CKAP2: variants seen among roughly 807,000 people sequenced by gnomAD.
CKAP2 encodes cytoskeleton-associated protein 2.
A neutral mutation model predicts 58.4 loss-of-function variants in CKAP2; 46 were observed. The ratio of observed to expected loss-of-function variants is 0.79; its 90% CI spans 0.62 to 1.01. The LOEUF is 1.01. Ranked by LOEUF, CKAP2 falls within the 50% of genes least tolerant of loss-of-function variation. The pLI is 0.00. For missense variants in CKAP2, 809 were observed against 796.4 expected (o/e 1.02, Z -0.19); for synonymous variants, 293 against 280.9 (o/e 1.04, Z -0.43).
intron 7 of CKAP2, chr13:52,473,621 T>C (rs1422375200): frequency 2.4e-5 from 11 of 466,648 alleles, no homozygotes; most frequent in Non-Finnish European, 3.7e-5. Context: ...TCCTTTGTTC[T>C]TATTTCATAT....
Position 52,461,080 on chromosome 13 carries a change from GA to G in CKAP2, c.255del (p.Arg85SerfsTer18). 1 of 1,603,484 alleles carries G rather than the reference GA, an allele frequency of 6.2e-7. No homozygotes were observed. The highest frequency in any genetic ancestry group is 1.1e-5 in the South Asian group (1 of 88,722). On this transcript the variant is annotated frameshift_variant, in exon 4 of 9. Transcript: ENST00000258607. LOFTEE classifies it high-confidence loss of function. ...TKMADKENMK[R>X]PAESKNNTVV... ...CAGGCTGATAAAGAAAACATGAAGA[GA>G]CCTGCAGAGAGCAAAAATAATACAG... is the stretch of plus-strand genomic sequence containing the variant.
chr13:52,473,977 A>C lies in CKAP2; in HGVS notation c.1695A>C (p.Gln565His), dbSNP rs1349925449. Reference sequence around the variant, plus strand: ...TATTTCAAGATTGTGAAAAAGAGCAAGACAACAAAACAAAAGATCCAACCC... The same window carrying C: ...TATTTCAAGATTGTGAAAAAGAGCACGACAACAAAACAAAAGATCCAACCC... Reference protein sequence around the residue: ...NLLFQDCEKEQDNKTKDPTHD... With the variant: ...NLLFQDCEKEHDNKTKDPTHD... Residue 565 changes from glutamine (Q) to histidine (H), a missense_variant, in exon 8 of 9, where the codon CAA becomes CAC. Physicochemically the swap from Gln to His is conservative, Grantham distance 24. Around this residue, in one of 3 missense-constraint regions of CKAP2, gnomAD observed 283 missense variants for 287.6 expected, o/e 0.98. Transcript: ENST00000258607. 1.2e-6 allele frequency: 2 copies of C among 1,614,148 alleles called. No individual in the cohort carries two copies. Among genetic ancestry groups the C allele is most frequent in the East Asian group, 2.2e-5 (1 of 44,848 alleles).
Position 52,460,963 on chromosome 13 carries a change from A to G in CKAP2, c.220A>G (p.Lys74Glu). ...VQEGTKVLKL[K>E]TKMADKENMK... ...AGAAGGGACTAAAGTGCTGAAACTT[A>G]AAACAAAAATGGTAAGATGTGGACA... The change falls in exon 3 of 9, where the codon AAA becomes GAA. Residue 74 changes from lysine to glutamate, a missense_variant. Transcript: ENST00000258607. The G allele has an allele frequency of 1.2e-6, 2 of 1,613,642 alleles. No homozygotes were observed. Among genetic ancestry groups the G allele is most frequent in the East Asian group, 2.2e-5 (1 of 44,718 alleles).
At chr13:52,463,408 C>A (rs1032878101) in intron 5 of CKAP2, among the ~76,000 whole-genome samples, 1 of 152,026 alleles carries the variant, frequency 6.6e-6, no homozygotes, top group East Asian at 1.9e-4. Flanking sequence ...TCATTCCTCA[C>A]TCTGAATTTC....
chr13:52,469,584 T>TAAACTGTAGTC (rs1449125146), intron 7 of CKAP2, among the ~76,000 whole-genome samples: 1 of 143,496 alleles, frequency 7.0e-6, no homozygotes, highest in African/African-American at 2.6e-5. Context: ...AATATTTATT[T>TAAACTGTAGTC]ATTTATTTAT....
intron 7 of CKAP2, among the ~76,000 whole-genome samples, chr13:52,473,063 AT>A (rs967938704): frequency 4.6e-5 from 7 of 151,868 alleles, no homozygotes; most frequent in South Asian, 2.1e-4. Context: ...AAAAAAAAAA[AT>A]GTTCTCAGAA....
At chr13:52,465,934 CATATATATACACAT>C (rs1958663724) in intron 6 of CKAP2, 1 of 306,538 alleles carries the variant, frequency 3.3e-6, no homozygotes, top group East Asian at 7.9e-5. Context: ...TATATACACA[CATATATATACACAT>C]ATATATGCAC....
At position 52,461,302 on chromosome 13, in the gene CKAP2, C is replaced by T; in HGVS notation, c.476C>T (p.Thr159Ile). 1 of 1,613,968 alleles carries T rather than the reference C, an allele frequency of 6.2e-7. No individual in the cohort carries two copies. Among genetic ancestry groups the T allele is most frequent in the Non-Finnish European group, 8.5e-7 (1 of 1,179,992 alleles). The change falls in exon 4 of 9, where the codon ACT (threonine) becomes ATT (isoleucine). Residue 159 changes from threonine (T) to isoleucine (I), a missense_variant. Coordinates refer to ENST00000258607, the MANE Select transcript of CKAP2 (RefSeq NM_018204.5). ...AACAATAGTAAAAAGAAACAAATGACTACAGAAAAACAAAAGCAAGATGCT... is the reference window on the plus strand; with the variant it reads ...AACAATAGTAAAAAGAAACAAATGATTACAGAAAAACAAAAGCAAGATGCT... ...LKNNSKKKQM[T>I]TEKQKQDANM...
chr13:52,464,553 CAAA>C (rs66481844), intron 5 of CKAP2, among the ~76,000 whole-genome samples: 25 of 80,120 alleles, frequency 3.1e-4, no homozygotes, highest in Non-Finnish European at 2.8e-4. Flanking sequence ...AACTCCGTCT[CAAA>C]AAAAAAAAAA....
chr13:52,471,025 G>A (rs1283254376), intron 7 of CKAP2, among the ~76,000 whole-genome samples: 1 of 152,124 alleles, frequency 6.6e-6, no homozygotes, highest in East Asian at 1.9e-4. Context: ...GGGCATGGTA[G>A]CATGTGCCTG....
chr13:52,459,973 C>T (rs545092480), intron 2 of CKAP2, among the ~76,000 whole-genome samples: 8 of 152,136 alleles, frequency 5.3e-5, no homozygotes, highest in Non-Finnish European at 1.2e-4. Context: ...CAGTCCTCCA[C>T]CCCAGCCTCC....
chr13:52,464,440 C>T (rs1958631878), intron 5 of CKAP2, among the ~76,000 whole-genome samples: 1 of 151,438 alleles, frequency 6.6e-6, no homozygotes, highest in Non-Finnish European at 1.5e-5. Context: ...GTAATCTCAG[C>T]TACTCAGAAG....
Position 52,460,752 on chromosome 13 carries a change from G to A in CKAP2, c.156-147G>A, listed in dbSNP as rs1052883454. ...CAGGCATGAGCCACCGCGCCTGGCCGCTTAGGACAAATTTCAACTCAGGTC... is the reference window on the plus strand; with the variant it reads ...CAGGCATGAGCCACCGCGCCTGGCCACTTAGGACAAATTTCAACTCAGGTC... On this transcript the variant is annotated intron_variant, in intron 2 of 8. Coordinates refer to ENST00000258607, the MANE Select transcript of CKAP2 (RefSeq NM_018204.5). 1.8e-4 allele frequency: 96 copies of A among 535,120 alleles called. 1 individual carries two copies. In the South Asian group the frequency reaches 2.0e-3, roughly 11 times the overall value. 33.1% of individuals were successfully genotyped at this position (535,120 alleles called of 1,614,324 possible). A position where few individuals can be genotyped will look rare whatever the true frequency, so the allele number is the denominator to read the frequency against.
intron 7 of CKAP2, among the ~76,000 whole-genome samples, chr13:52,470,851 A>G (rs987554492): frequency 6.6e-6 from 1 of 152,170 alleles, no homozygotes; most frequent in African/African-American, 2.4e-5. Context: ...CAAAAGGAGG[A>G]GAAAAGTTTA....
Position 52,455,586 on chromosome 13 carries a change from G to A in CKAP2, c.30G>A (p.Leu10=). MSTPAVPQD[L]QLPPSQRAQS... Reference sequence around the variant, plus strand: ...GCACACCGGCCGTGCCCCAGGACCTGCAGCTGCCCCCGAGTCAGAGGGCGC... The same window carrying A: ...GCACACCGGCCGTGCCCCAGGACCTACAGCTGCCCCCGAGTCAGAGGGCGC... The change falls in exon 1 of 9, where the codon CTG becomes CTA. Residue 10 remains leucine, a synonymous_variant. Transcript: ENST00000258607. The A allele has an allele frequency of 6.2e-7, 1 of 1,612,276 alleles. No homozygotes were observed. Among genetic ancestry groups the A allele is most frequent in the Non-Finnish European group, 8.5e-7 (1 of 1,179,570 alleles).
chr13:52,469,956 T>G (rs981252379), intron 7 of CKAP2, among the ~76,000 whole-genome samples: 1 of 152,204 alleles, frequency 6.6e-6, no homozygotes, highest in Non-Finnish European at 1.5e-5. Context: ...GTCATTAATA[T>G]TAATTAACTT....
At chr13:52,459,301 A>G (rs961700548) in intron 2 of CKAP2, among the ~76,000 whole-genome samples, 4 of 152,004 alleles carry the variant, frequency 2.6e-5, no homozygotes, top group Admixed American at 2.6e-4. Context: ...TGTCAAATGT[A>G]AAATATATAT....
intron 8 of CKAP2, among the ~76,000 whole-genome samples, chr13:52,474,361 T>G (rs978907425): frequency 4.6e-5 from 7 of 152,032 alleles, no homozygotes; most frequent in African/African-American, 1.7e-4. Flanking sequence ...AGGTGCTGTG[T>G]GCCTGTAGTC....
At position 52,475,291 on chromosome 13, in the gene CKAP2, T is replaced by A. The variant is rs1242996041; in HGVS notation, c.*150T>A. The A allele has an allele frequency of 1.1e-6, 1 of 949,400 alleles. No individual in the cohort carries two copies. The highest frequency in any genetic ancestry group is 1.6e-5 in the African/African-American group (1 of 60,960). The allele number at this position is 949,400 out of a possible 1,614,324, so 58.8% of individuals were successfully genotyped here. On this transcript the variant is annotated 3_prime_UTR_variant, in exon 9 of 9. Transcript: ENST00000258607. ...CAGTGAGCTCCTTTACTAACATTCA[T>A]GTTATGGCAAGAGTTGTCCTCTACA...
Sources: allele counts gnomAD v4.1 joint callset (sites outside exome capture counted in the v4.1 genomes callset), GRCh38; gene constraint gnomAD v4.1.1; regional missense constraint gnomAD v4.1.1; transcripts MANE v1.5; gene names NCBI Gene and HGNC (gene_info 2026-07-23, HGNC 2026-07-21).